The following RGS8 variants were observed in gnomAD, a reference collection of about 807,000 sequenced individuals.
The protein encoded by RGS8 is regulator of G-protein signaling 8.
In RGS8, 8 loss-of-function variants were observed where a neutral mutation model predicts 21.7. The ratio of observed to expected loss-of-function variants is 0.37; its 90% CI spans 0.22 to 0.66. The LOEUF is 0.66. RGS8 is among the 30% of genes least tolerant of loss of function. The pLI is 0.59. For missense variants in RGS8, 157 were observed against 217.9 expected, an observed-to-expected ratio of 0.72 and a Z score of 1.76; for synonymous variants, 80 against 83.6, an observed-to-expected ratio of 0.96 and a Z score of 0.24.
At chr1:182,659,094 G>A (rs1025342752) in intron 5 of RGS8, among the ~76,000 whole-genome samples, 1 of 152,314 alleles carries the variant, frequency 6.6e-6, no homozygotes, top group African/African-American at 2.4e-5. Context: ...AAGGACATGA[G>A]AGAGCCTATG....
At chr1:182,669,651 C>T (rs985177653) in exon 3 of RGS8, 1 of 1,614,126 alleles carries the variant, frequency 6.2e-7, no homozygotes, top group African/African-American at 1.3e-5. Flanking sequence ...GGCCGCCATA[C>T]AGGCATCAGC....
intron 5 of RGS8, among the ~76,000 whole-genome samples, chr1:182,659,886 C>G (rs1663499792): frequency 6.6e-6 from 1 of 152,070 alleles, no homozygotes; most frequent in African/African-American, 2.4e-5. Context: ...ATGGAATTCC[C>G]TCACATGCAT....
chr1:182,714,656 G>T, the RGS8 span: 6 of 152,192 alleles, frequency 3.9e-5, no homozygotes, highest in Admixed American at 2.0e-4. Flanking sequence ...GAGAAAAATG[G>T]AATGAGTGAA....
chr1:182,685,784 G>A (rs1332419016), upstream of RGS8, among the ~76,000 whole-genome samples: 3 of 152,128 alleles, frequency 2.0e-5, no homozygotes, highest in African/African-American at 7.2e-5. Flanking sequence ...TTTCACTGCT[G>A]CACCATTTCG....
At chr1:182,653,938 T>TG (rs1185038119) in intron 5 of RGS8, among the ~76,000 whole-genome samples, 2 of 152,322 alleles carry the variant, frequency 1.3e-5, no homozygotes, top group African/African-American at 4.8e-5. Context: ...CTGGAGAAGA[T>TG]GGTAGCGCCT....
the RGS8 span, among the ~76,000 whole-genome samples, chr1:182,742,776 A>ACAGG: frequency 1.3e-5 from 2 of 151,990 alleles, no homozygotes; most frequent in Non-Finnish European, 2.9e-5. Context: ...AGGGACAGGG[A>ACAGG]GAGGGAGAGG....
intron 5 of RGS8, among the ~76,000 whole-genome samples, chr1:182,650,358 G>T (rs1662948040): frequency 6.6e-6 from 1 of 152,168 alleles, no homozygotes; most frequent in Non-Finnish European, 1.5e-5. Flanking sequence ...TTCTTGAAAT[G>T]TTTTCATTTC....
the RGS8 span, among the ~76,000 whole-genome samples, chr1:182,738,410 C>A: frequency 6.6e-6 from 1 of 151,982 alleles, no homozygotes; most frequent in African/African-American, 2.4e-5. Flanking sequence ...TAAATAGTAG[C>A]CTATATAATT....
chr1:182,689,023 T>C (rs1664764351), upstream of RGS8, among the ~76,000 whole-genome samples: 1 of 152,198 alleles, frequency 6.6e-6, no homozygotes, highest in Admixed American at 6.5e-5. Context: ...GTGTCCGTGG[T>C]AATTTGTTAT....
rs1163296789 is a variant in RGS8, at chr1:182,651,464, G to A, written c.194-3161C>T. 5.9e-5 allele frequency among the ~76,000 whole-genome samples: 9 copies of A among 152,190 alleles called. 1 individual carries two copies. Among genetic ancestry groups the A allele is most frequent in the Non-Finnish European group, 1.3e-4 (9 of 68,042 alleles). Reference sequence around the variant, plus strand: ...GATTATTTGGCCCAGCATTGCAAGAGAGTATCACATCACATATTGCTAGCC... The same window carrying A: ...GATTATTTGGCCCAGCATTGCAAGAAAGTATCACATCACATATTGCTAGCC... On this transcript the variant is annotated intron_variant, in intron 5 of 6. Transcript: ENST00000483095.
the RGS8 span, among the ~76,000 whole-genome samples, chr1:182,716,214 C>T: frequency 6.6e-6 from 1 of 151,800 alleles, no homozygotes; most frequent in Non-Finnish European, 1.5e-5. Context: ...CAACTTCCAC[C>T]TCCCGGGTTC....
At chr1:182,676,649 C>T (rs182233699), upstream of RGS8, among the ~76,000 whole-genome samples, 28 of 152,296 alleles carry the variant, frequency 1.8e-4, no homozygotes, top group African/African-American at 4.3e-4. Context: ...TTTGTAATAA[C>T]GCTGCTCAAC....
At chr1:182,751,716 A>T in the RGS8 span, among the ~76,000 whole-genome samples, 2 of 152,222 alleles carry the variant, frequency 1.3e-5, no homozygotes, top group Admixed American at 1.3e-4. Flanking sequence ...TACATAATAT[A>T]CTTTCTCACA....
At chr1:182,660,791 G>C (rs556533000) in intron 5 of RGS8, among the ~76,000 whole-genome samples, 1 of 151,836 alleles carries the variant, frequency 6.6e-6, no homozygotes, top group Admixed American at 6.6e-5. Flanking sequence ...AACCTTCCTG[G>C]AGGGTTTGTG....
the RGS8 span, among the ~76,000 whole-genome samples, chr1:182,751,666 A>G: frequency 2.0e-5 from 3 of 152,222 alleles, no homozygotes; most frequent in Non-Finnish European, 4.4e-5. Context: ...TTTAGCCTAT[A>G]AAAGCCTAGA....
At chr1:182,646,573 G>T in exon 7 of RGS8, 1 of 637,124 alleles carries the variant, frequency 1.6e-6, no homozygotes, top group Non-Finnish European at 2.7e-6. Flanking sequence ...AGCTCCGGCA[G>T]CTGGGTCATA....
At chr1:182,707,226 C>T in the RGS8 span, among the ~76,000 whole-genome samples, 2 of 152,092 alleles carry the variant, frequency 1.3e-5, no homozygotes, top group African/African-American at 4.8e-5. Context: ...CCTGAGAGGA[C>T]ACTACTACTG....
chr1:182,704,316 T>G, the RGS8 span, among the ~76,000 whole-genome samples: 1 of 152,230 alleles, frequency 6.6e-6, no homozygotes, highest in African/African-American at 2.4e-5. Flanking sequence ...CTGCAGGTGT[T>G]GAAGAGTTCA....
In RGS8 at chr1:182,684,205, G is replaced by T. The variant is rs1664634248; in HGVS notation, n.221+151C>A. Among the ~76,000 whole-genome samples, 1 of 152,220 alleles carries T rather than the reference G, an allele frequency of 6.6e-6. No homozygotes were observed. Among genetic ancestry groups the T allele is most frequent in the African/African-American group, 2.4e-5 (1 of 41,452 alleles). ...AGGTGGCGGGCTTAATAGCTCTGAG[G>T]AGTCAGAGAGTAAATGGGGACAATG... On this transcript the variant is annotated intron_variant and non_coding_transcript_variant, in intron 1 of 4. Coordinates refer to the RGS8 transcript ENST00000515211. The surrounding 1 kb of genome is among the most constrained non-coding windows in gnomAD (Gnocchi z 4.2).
Sources: gnomAD v4.1 joint callset for allele counts (sites outside exome capture counted in the v4.1 genomes callset) on GRCh38, gnomAD v4.1.1 for gene constraint, Gnocchi (gnomAD v3.1) non-coding constraint, MANE v1.5 for transcripts, NCBI Gene and HGNC (gene_info 2026-07-23, HGNC 2026-07-21) for gene names.